Variants in LARP4B observed in about 807,000 individuals in gnomAD.
The protein encoded by LARP4B is La ribonucleoprotein 4B, also known as la-related protein 4B.
LARP4B carries 12 observed loss-of-function variants against 89.8 expected under a neutral mutation model. The ratio of observed to expected loss-of-function variants is 0.13; its 90% CI spans 0.09 to 0.22. The LOEUF (loss-of-function observed/expected upper bound fraction) is 0.22. Among genes scored for constraint, LARP4B ranks in the 10% least tolerant of loss-of-function variants. The pLI, the probability that LARP4B is intolerant of heterozygous loss-of-function variation, is 1.00. For missense variants in LARP4B, 757 were observed against 947.7 expected (o/e 0.80, Z 2.64); for synonymous variants, 367 against 363.3 (o/e 1.01, Z -0.12).
the LARP4B span, among the ~76,000 whole-genome samples, chr10:974,686 A>G: frequency 6.6e-6 from 1 of 152,354 alleles, no homozygotes; most frequent in Non-Finnish European, 1.5e-5. Flanking sequence ...CTCGCCCATT[A>G]GGCCAGACTG....
the LARP4B span, among the ~76,000 whole-genome samples, chr10:955,342 G>C: frequency 1.3e-5 from 2 of 152,238 alleles, no homozygotes; most frequent in African/African-American, 4.8e-5. The surrounding 1 kb of genome is among the most constrained non-coding windows in gnomAD (Gnocchi z 5.2). Context: ...CAGGCGCCAG[G>C]CAGGCTATGG....
intron 3 of LARP4B, among the ~76,000 whole-genome samples, chr10:878,315 G>A (rs1180766535): frequency 1.3e-5 from 2 of 152,130 alleles, no homozygotes; most frequent in African/African-American, 2.4e-5. Context: ...GGGTGGGTTG[G>A]GGACACCAGT....
At chr10:923,592 C>A (rs1390704708) in intron 1 of LARP4B, among the ~76,000 whole-genome samples, 1 of 151,154 alleles carries the variant, frequency 6.6e-6, no homozygotes, top group Non-Finnish European at 1.5e-5. Context: ...ACGATAATCT[C>A]AACAATGAAA....
upstream of LARP4B, among the ~76,000 whole-genome samples, chr10:935,910 T>G (rs1021493339): frequency 6.6e-6 from 1 of 151,450 alleles, no homozygotes; most frequent in Non-Finnish European, 1.5e-5. Flanking sequence ...TTTTTTTGTT[T>G]GTTTTTTGTT....
intron 3 of LARP4B, among the ~76,000 whole-genome samples, chr10:878,488 C>A (rs1280492930): frequency 6.6e-6 from 1 of 152,228 alleles, no homozygotes. Context: ...CACGTTTCTC[C>A]TACTTTCACA....
chr10:940,061 A>G, the LARP4B span, among the ~76,000 whole-genome samples: 2 of 118,286 alleles, frequency 1.7e-5, no homozygotes, highest in East Asian at 2.4e-4. Flanking sequence ...CTTGTTGCCC[A>G]GGCTGGAGTG....
At chr10:861,212 C>T (rs1834599027) in intron 5 of LARP4B, among the ~76,000 whole-genome samples, 1 of 152,174 alleles carries the variant, frequency 6.6e-6, no homozygotes, top group Admixed American at 6.5e-5. Context: ...ACAGGAAGCT[C>T]TTCCTGGTGT....
intron 1 of LARP4B, among the ~76,000 whole-genome samples, chr10:898,752 C>A (rs879888102): frequency 2.6e-5 from 4 of 152,216 alleles, no homozygotes; most frequent in Non-Finnish European, 5.9e-5. Flanking sequence ...GCTTTCTCCA[C>A]GTTACCAAAT....
chr10:808,722 A>AGT (rs1465800087), downstream of LARP4B: 12 of 137,248 alleles, frequency 8.7e-5, no homozygotes, highest in African/African-American at 3.7e-4. Context: ...CTGGATTAAA[A>AGT]GCGTGTGTGT....
chr10:906,442 G>T (rs1246120378), intron 1 of LARP4B, among the ~76,000 whole-genome samples: 1 of 152,210 alleles, frequency 6.6e-6, no homozygotes, highest in Admixed American at 6.5e-5. Flanking sequence ...CAACTCCACT[G>T]GTGGGAAGAG....
At chr10:895,177 C>T (rs1370226529) in intron 1 of LARP4B, among the ~76,000 whole-genome samples, 3 of 149,938 alleles carry the variant, frequency 2.0e-5, no homozygotes, top group South Asian at 2.1e-4. Context: ...CAGAGTGAGA[C>T]TCAGTCTCAA....
rs1247399862 is a variant in LARP4B, at chr10:859,540, G to A, written c.430+4203C>T. Among the ~76,000 whole-genome samples, 3 of 152,150 alleles carry A rather than the reference G, an allele frequency of 2.0e-5. No homozygotes were observed. In the East Asian group the frequency reaches 5.8e-4, roughly 29 times the overall value. ...CACACTCCTGGGTATTTACCCAAAG[G>A]AGTTAAAAACTTCCTTCCGTACAAA... On this transcript the variant is annotated intron_variant, in intron 5 of 17. Coordinates refer to ENST00000316157, the MANE Select transcript of LARP4B (RefSeq NM_015155.3).
At chr10:951,459 C>T in the LARP4B span, among the ~76,000 whole-genome samples, 1 of 151,946 alleles carries the variant, frequency 6.6e-6, no homozygotes, top group African/African-American at 2.4e-5. Context: ...GCAACTAGAA[C>T]CGCTTGAACC....
At chr10:869,756 T>C (rs543794731) in intron 3 of LARP4B, among the ~76,000 whole-genome samples, 2 of 151,954 alleles carry the variant, frequency 1.3e-5, no homozygotes, top group South Asian at 4.1e-4. Context: ...TAGTGGCACA[T>C]GCCTGTAATC....
intron 15 of LARP4B, among the ~76,000 whole-genome samples, chr10:816,577 G>A (rs570594619): frequency 6.6e-6 from 1 of 152,218 alleles, no homozygotes; most frequent in South Asian, 2.1e-4. Context: ...CTGAAGCAGG[G>A]TTGGAGACCT....
At chr10:821,377 A>G (rs1012455903) in intron 13 of LARP4B, among the ~76,000 whole-genome samples, 5 of 152,090 alleles carry the variant, frequency 3.3e-5, no homozygotes, top group African/African-American at 1.2e-4. Context: ...CTGTGCCCCA[A>G]AGACTTCCTG....
At chr10:986,046 A>C in the LARP4B span, 2 of 152,034 alleles carry the variant, frequency 1.3e-5, no homozygotes, top group African/African-American at 4.8e-5. Flanking sequence ...GGACCCTCTA[A>C]GACCGGATGC....
chr10:915,947 T>C (rs1282491870), intron 1 of LARP4B, among the ~76,000 whole-genome samples: 2 of 152,216 alleles, frequency 1.3e-5, no homozygotes, highest in Non-Finnish European at 1.5e-5. Context: ...TTTTCAATAT[T>C]TGACACATTT....
intron 8 of LARP4B, among the ~76,000 whole-genome samples, chr10:832,162 G>A (rs1037276025): frequency 1.3e-5 from 2 of 152,108 alleles, no homozygotes; most frequent in African/African-American, 4.8e-5. Context: ...TCCTGCCTCA[G>A]CCTCCCAAGT....
Sources: allele counts gnomAD v4.1 joint callset (sites outside exome capture counted in the v4.1 genomes callset), GRCh38; gene constraint gnomAD v4.1.1; non-coding constraint Gnocchi (gnomAD v3.1); transcripts MANE v1.5; gene names NCBI Gene and HGNC (gene_info 2026-07-23, HGNC 2026-07-21).